ZCWPW2: variants seen among roughly 807,000 people sequenced by gnomAD.
ZCWPW2 encodes the protein zinc finger CW-type PWWP domain protein 2.
Under a neutral mutation model 46.6 loss-of-function variants are expected in ZCWPW2, and 45 were observed. The ratio of observed to expected loss-of-function variants is 0.96; its 90% CI spans 0.76 to 1.24. The LOEUF is 1.24. ZCWPW2 is among the 50% of genes most tolerant of loss of function. The pLI is 0.00. For missense variants in ZCWPW2, 429 were observed against 403.9 expected, an observed-to-expected ratio of 1.06 and a Z score of -0.53; for synonymous variants, 152 against 137.1, an observed-to-expected ratio of 1.11 and a Z score of -0.76.
chr3:28,432,765 CTT>C (rs761074484), intron 3 of ZCWPW2, among the ~76,000 whole-genome samples: 54 of 152,010 alleles, frequency 3.6e-4, no homozygotes, highest in African/African-American at 1.2e-3. Flanking sequence ...AAATTGTAGA[CTT>C]AATATATATG....
Position 28,525,113 on chromosome 3 carries a change from T to C in ZCWPW2, c.*425T>C, listed in dbSNP as rs994919650. On this transcript the variant is annotated 3_prime_UTR_variant, in exon 10 of 10. Coordinates refer to ENST00000383768, the MANE Select transcript of ZCWPW2 (RefSeq NM_001040432.4). ...GTATATTTGCAGTGGAATCAAACTA[T>C]TACAAAATAAAAGGAAATAATTTTT... The C allele has an allele frequency of 1.3e-5, 2 of 152,206 alleles. No homozygotes were observed. The highest frequency in any genetic ancestry group is 2.9e-5 in the Non-Finnish European group (2 of 68,066). 9.4% of individuals were successfully genotyped at this position (152,206 alleles called of 1,614,324 possible).
At chr3:28,492,460 A>G (rs1272047343) in intron 6 of ZCWPW2, among the ~76,000 whole-genome samples, 1 of 152,104 alleles carries the variant, frequency 6.6e-6, no homozygotes, top group Non-Finnish European at 1.5e-5. Flanking sequence ...ATACATACTC[A>G]TATACTAAAA....
intron 2 of ZCWPW2, among the ~76,000 whole-genome samples, chr3:28,409,126 T>C (rs919060254): frequency 3.6e-5 from 5 of 140,358 alleles, no homozygotes; most frequent in African/African-American, 7.9e-5. Flanking sequence ...CTTTTTCTTT[T>C]TTTTTTTTTT....
At chr3:28,437,600 G>A (rs576344918) in intron 4 of ZCWPW2, among the ~76,000 whole-genome samples, 3 of 152,096 alleles carry the variant, frequency 2.0e-5, no homozygotes, top group South Asian at 2.1e-4. Context: ...GAGCACAACA[G>A]TACTCAGTCA....
intron 4 of ZCWPW2, among the ~76,000 whole-genome samples, chr3:28,443,268 G>T (rs1697842577): frequency 6.6e-6 from 1 of 152,108 alleles, no homozygotes; most frequent in South Asian, 2.1e-4. Flanking sequence ...AGTTACCCAG[G>T]TGAAAGCCCA....
intron 4 of ZCWPW2, among the ~76,000 whole-genome samples, chr3:28,463,056 G>A (rs17696561): frequency 0.22 from 33,712 of 152,064 alleles, 4,271 homozygotes; most frequent in Middle Eastern, 0.29. Context: ...CTGTCTAGCC[G>A]TATGTTTAGT....
chr3:28,453,831 ATTTTTATT>A (rs1326266990), intron 4 of ZCWPW2, among the ~76,000 whole-genome samples: 1 of 142,024 alleles, frequency 7.0e-6, no homozygotes. Context: ...TTATTTATTT[ATTTTTATT>A]TTTTTTATTA....
At chr3:28,489,460 C>T (rs1221670103) in intron 5 of ZCWPW2, among the ~76,000 whole-genome samples, 1 of 151,862 alleles carries the variant, frequency 6.6e-6, no homozygotes, top group Non-Finnish European at 1.5e-5. Flanking sequence ...TTTCCCATTT[C>T]TTGAAACACG....
At chr3:28,444,061 C>T (rs1156560075) in intron 4 of ZCWPW2, among the ~76,000 whole-genome samples, 1 of 152,174 alleles carries the variant, frequency 6.6e-6, no homozygotes, top group Non-Finnish European at 1.5e-5. Flanking sequence ...CAAGCTGCAA[C>T]ATTAAAAGCA....
intron 1 of ZCWPW2, among the ~76,000 whole-genome samples, chr3:28,382,127 A>T (rs1695127284): frequency 1.4e-5 from 2 of 146,436 alleles, no homozygotes; most frequent in African/African-American, 5.1e-5. Context: ...GCACTAGTGC[A>T]TTCCAGCCTG....
At chr3:28,377,071 A>AT (rs59460759) in intron 1 of ZCWPW2, among the ~76,000 whole-genome samples, 2,019 of 148,132 alleles carry the variant, frequency 0.014, 17 homozygotes, top group African/African-American at 0.026. Context: ...CTGCATGATG[A>AT]TTTTTTTTTT....
chr3:28,517,233 G>C (rs886924812), intron 8 of ZCWPW2, among the ~76,000 whole-genome samples: 1 of 152,070 alleles, frequency 6.6e-6, no homozygotes, highest in Non-Finnish European at 1.5e-5. Flanking sequence ...AACCCAACCA[G>C]TAGCTACTAT....
At chr3:28,425,717 C>A (rs1250261844) in intron 3 of ZCWPW2, among the ~76,000 whole-genome samples, 1 of 152,188 alleles carries the variant, frequency 6.6e-6, no homozygotes, top group Non-Finnish European at 1.5e-5. Context: ...AAGAGAATAG[C>A]ACTTTCTTTT....
chr3:28,373,183 G>A (rs1705394097), intron 1 of ZCWPW2, among the ~76,000 whole-genome samples: 1 of 152,084 alleles, frequency 6.6e-6, no homozygotes, highest in African/African-American at 2.4e-5. Flanking sequence ...TCCAGTAGTG[G>A]GATTACTGGA....
chr3:28,400,934 C>T (rs1356484059), intron 2 of ZCWPW2, among the ~76,000 whole-genome samples: 1 of 151,992 alleles, frequency 6.6e-6, no homozygotes, highest in East Asian at 1.9e-4. Flanking sequence ...AATCCCAGCA[C>T]GTTGGGAGGC....
intron 9 of ZCWPW2, among the ~76,000 whole-genome samples, chr3:28,522,173 T>G (rs1022130606): frequency 3.3e-5 from 5 of 152,084 alleles, no homozygotes; most frequent in African/African-American, 1.2e-4. Context: ...AAATGACAAG[T>G]TAATGGGTGC....
chr3:28,376,031 T>A (rs985755280), intron 1 of ZCWPW2, among the ~76,000 whole-genome samples: 2 of 152,136 alleles, frequency 1.3e-5, no homozygotes, highest in Admixed American at 6.6e-5. Context: ...ATTTTCTTTA[T>A]CCATTCATCT....
intron 3 of ZCWPW2, among the ~76,000 whole-genome samples, chr3:28,422,081 T>G (rs1328854459): frequency 6.6e-6 from 1 of 152,094 alleles, no homozygotes; most frequent in Non-Finnish European, 1.5e-5. Context: ...GCAGAAAAAT[T>G]GAGTGGAAAG....
intron 2 of ZCWPW2, among the ~76,000 whole-genome samples, chr3:28,402,084 ATGAAAT>A (rs1457125865): frequency 6.6e-6 from 1 of 151,900 alleles, no homozygotes; most frequent in Non-Finnish European, 1.5e-5. Context: ...GCAGAACTAA[ATGAAAT>A]TGAAACAAAC....
Sources: gnomAD v4.1 joint callset for allele counts (sites outside exome capture counted in the v4.1 genomes callset) on GRCh38, gnomAD v4.1.1 for gene constraint, MANE v1.5 for transcripts, NCBI Gene and HGNC (gene_info 2026-07-23, HGNC 2026-07-21) for gene names.